NR6A1: variants seen among roughly 807,000 people sequenced by gnomAD.
NR6A1 encodes the protein nuclear receptor subfamily 6 group A member 1.
Under a neutral mutation model 59.1 loss-of-function variants are expected in NR6A1, and 7 were observed. The ratio of observed to expected loss-of-function variants is 0.12; its 90% CI spans 0.07 to 0.22. The LOEUF (loss-of-function observed/expected upper bound fraction) is 0.22. Among genes scored for constraint, NR6A1 ranks in the 10% least tolerant of loss-of-function variants. The pLI, the probability that NR6A1 is intolerant of heterozygous loss-of-function variation, is 1.00. For synonymous variants in NR6A1, 243 were observed against 236.1 expected, an observed-to-expected ratio of 1.03 and a Z score of -0.27; for missense variants, 468 against 611.6, an observed-to-expected ratio of 0.77 and a Z score of 2.48.
At chr9:124,688,882 T>C (rs916336242) in intron 2 of NR6A1, among the ~76,000 whole-genome samples, 2 of 152,218 alleles carry the variant, frequency 1.3e-5, no homozygotes, top group Non-Finnish European at 2.9e-5. Context: ...TTTAATTAGA[T>C]AGGGAGAGTT....
intron 5 of NR6A1, among the ~76,000 whole-genome samples, chr9:124,539,512 A>G (rs1192654933): frequency 6.6e-6 from 1 of 152,246 alleles, no homozygotes; most frequent in Non-Finnish European, 1.5e-5. Context: ...CTTCCCTAAT[A>G]GCTGAAGGAT....
At chr9:124,687,554 G>A (rs1374869491) in intron 2 of NR6A1, among the ~76,000 whole-genome samples, 1 of 152,026 alleles carries the variant, frequency 6.6e-6, no homozygotes, top group East Asian at 1.9e-4. Context: ...AAAACCTTAG[G>A]CAGACTAAAT....
intron 8 of NR6A1, among the ~76,000 whole-genome samples, chr9:124,526,178 T>C (rs572113758): frequency 6.6e-6 from 1 of 152,328 alleles, no homozygotes; most frequent in Non-Finnish European, 1.5e-5. Context: ...CTCCTCCCTA[T>C]ACTGGTTTTA....
At chr9:124,681,257 T>C (rs549865408) in intron 2 of NR6A1, among the ~76,000 whole-genome samples, 1 of 152,134 alleles carries the variant, frequency 6.6e-6, no homozygotes, top group Non-Finnish European at 1.5e-5. Flanking sequence ...CTGATGGATA[T>C]TTTCTTGAAA....
chr9:124,757,325 T>C (rs1840660834), intron 1 of NR6A1, among the ~76,000 whole-genome samples: 1 of 152,002 alleles, frequency 6.6e-6, no homozygotes, highest in African/African-American at 2.4e-5. Flanking sequence ...TGAAAAACAA[T>C]GGGCTGTCAT....
At chr9:124,757,706 C>T (rs927695057) in intron 1 of NR6A1, among the ~76,000 whole-genome samples, 1 of 152,164 alleles carries the variant, frequency 6.6e-6, no homozygotes, top group Non-Finnish European at 1.5e-5. Context: ...CCTAAATATA[C>T]GATGCAGCTG....
chr9:124,592,839 T>C (rs1835167011), intron 2 of NR6A1, among the ~76,000 whole-genome samples: 1 of 152,186 alleles, frequency 6.6e-6, no homozygotes, highest in African/African-American at 2.4e-5. Context: ...CACCAGTACT[T>C]TGGAAGTTTA....
At chr9:124,663,285 C>T (rs1392568825) in intron 2 of NR6A1, among the ~76,000 whole-genome samples, 1 of 152,134 alleles carries the variant, frequency 6.6e-6, no homozygotes, top group Non-Finnish European at 1.5e-5. Flanking sequence ...CGTCTTAACC[C>T]CCAAATCTAC....
At chr9:124,645,638 C>A (rs554745379) in intron 2 of NR6A1, among the ~76,000 whole-genome samples, 1 of 152,160 alleles carries the variant, frequency 6.6e-6, no homozygotes, top group East Asian at 1.9e-4. Flanking sequence ...TGTCAAAATA[C>A]CTGAAGCAAA....
chr9:124,627,298 T>G (rs1397563294), intron 2 of NR6A1, among the ~76,000 whole-genome samples: 1 of 152,094 alleles, frequency 6.6e-6, no homozygotes, highest in Non-Finnish European at 1.5e-5. Context: ...ATAGCCATAT[T>G]AAATAATCTA....
chr9:124,662,613 T>C (rs1837478005), intron 2 of NR6A1, among the ~76,000 whole-genome samples: 1 of 152,204 alleles, frequency 6.6e-6, no homozygotes, highest in African/African-American at 2.4e-5. Context: ...ATAGATACTA[T>C]TCAAAACACA....
chr9:124,603,529 A>G (rs867796755), intron 2 of NR6A1, among the ~76,000 whole-genome samples: 1 of 152,182 alleles, frequency 6.6e-6, no homozygotes, highest in African/African-American at 2.4e-5. Flanking sequence ...TGGTACTGGT[A>G]GTCAAAGGTT....
intron 2 of NR6A1, among the ~76,000 whole-genome samples, chr9:124,639,655 C>T (rs1321373316): frequency 6.6e-6 from 1 of 152,068 alleles, no homozygotes; most frequent in East Asian, 1.9e-4. Context: ...AGAAGAGGAC[C>T]AACAGAGAGC....
At chr9:124,654,641 G>T (rs1426032920) in intron 2 of NR6A1, among the ~76,000 whole-genome samples, 2 of 152,014 alleles carry the variant, frequency 1.3e-5, no homozygotes, top group African/African-American at 4.8e-5. Flanking sequence ...GAGAGGCATA[G>T]CCCGATACTT....
chr9:124,611,272 T>C (rs757901435), intron 2 of NR6A1, among the ~76,000 whole-genome samples: 1 of 152,110 alleles, frequency 6.6e-6, no homozygotes, highest in African/African-American at 2.4e-5. Context: ...CCAGCAAACC[T>C]AGCAGTAGTT....
At chr9:124,711,095 C>T (rs1839266540) in intron 2 of NR6A1, among the ~76,000 whole-genome samples, 1 of 142,536 alleles carries the variant, frequency 7.0e-6, no homozygotes, top group African/African-American at 2.6e-5. Context: ...CCTATTTGTA[C>T]ATAATAGTCC....
intron 2 of NR6A1, among the ~76,000 whole-genome samples, chr9:124,704,870 C>T (rs1839079138): frequency 6.6e-6 from 1 of 152,104 alleles, no homozygotes; most frequent in Admixed American, 6.5e-5. Flanking sequence ...TCCCGAGTAG[C>T]TGGGACCAGA....
intron 2 of NR6A1, among the ~76,000 whole-genome samples, chr9:124,672,601 C>A (rs980468071): frequency 6.6e-6 from 1 of 150,924 alleles, no homozygotes; most frequent in Non-Finnish European, 1.5e-5. Flanking sequence ...GGCGACAGAG[C>A]GAGACTCCGT....
chr9:124,561,537 T>C (rs528909898), intron 2 of NR6A1, among the ~76,000 whole-genome samples: 1 of 152,168 alleles, frequency 6.6e-6, no homozygotes, highest in Non-Finnish European at 1.5e-5. Flanking sequence ...TAGTCTGTAA[T>C]AGAATAAAGT....
Sources: allele counts gnomAD v4.1 joint callset (sites outside exome capture counted in the v4.1 genomes callset), GRCh38; gene constraint gnomAD v4.1.1; transcripts MANE v1.5; gene names NCBI Gene and HGNC (gene_info 2026-07-23, HGNC 2026-07-21).